Variants in CACNA2D3 observed in about 807,000 individuals in gnomAD.
CACNA2D3 encodes voltage-dependent calcium channel subunit alpha-2/delta-3.
In CACNA2D3, 60 loss-of-function variants were observed where a neutral mutation model predicts 160.6. That is an observed-to-expected ratio of 0.37 (90% CI 0.30 to 0.46). The LOEUF is 0.46. Ranked by LOEUF, CACNA2D3 falls within the 20% of genes least tolerant of loss-of-function variation. The pLI is 1.00. For missense variants in CACNA2D3, 1,205 were observed against 1,365.0 expected, an observed-to-expected ratio of 0.88 and a Z score of 1.85; for synonymous variants, 558 against 492.9, an observed-to-expected ratio of 1.13 and a Z score of -1.75.
At chr3:54,900,452 C>T (rs1700301200) in intron 27 of CACNA2D3, among the ~76,000 whole-genome samples, 1 of 152,174 alleles carries the variant, frequency 6.6e-6, no homozygotes, top group South Asian at 2.1e-4. Flanking sequence ...TTAGGAGTGT[C>T]AGCAGCTGTC....
chr3:54,901,490 G>A (rs1700331581), intron 27 of CACNA2D3, among the ~76,000 whole-genome samples: 2 of 152,130 alleles, frequency 1.3e-5, no homozygotes, highest in East Asian at 1.9e-4. Context: ...AGAGAAGAAC[G>A]TGCACTTTCC....
intron 5 of CACNA2D3, among the ~76,000 whole-genome samples, chr3:54,536,626 G>A (rs975951051): frequency 1.3e-5 from 2 of 152,198 alleles, no homozygotes; most frequent in African/African-American, 4.8e-5. Context: ...CTGTGAGCCA[G>A]CTCTGGGTAG....
intron 2 of CACNA2D3, 29 bp from the exon 3 acceptor site, chr3:54,320,413 G>A: frequency 8.6e-7 from 1 of 1,165,066 alleles, no homozygotes; most frequent in Non-Finnish European, 1.2e-6. Flanking sequence ...GGTGTCATGT[G>A]TCTTGAATGT....
intron 3 of CACNA2D3, among the ~76,000 whole-genome samples, chr3:54,329,066 A>AG (rs1704185536): frequency 6.6e-6 from 1 of 152,172 alleles, no homozygotes; most frequent in African/African-American, 2.4e-5. Context: ...TCGTTGTCTG[A>AG]GCACCCAGAC....
At chr3:54,327,859 T>G (rs928197182) in intron 3 of CACNA2D3, among the ~76,000 whole-genome samples, 1 of 152,192 alleles carries the variant, frequency 6.6e-6, no homozygotes, top group Non-Finnish European at 1.5e-5. Flanking sequence ...TCTAAAACAT[T>G]GGATTATTCT....
intron 5 of CACNA2D3, among the ~76,000 whole-genome samples, chr3:54,526,883 G>T (rs1213916449): frequency 6.6e-6 from 1 of 152,168 alleles, no homozygotes; most frequent in African/African-American, 2.4e-5. Context: ...TAGAGACAGG[G>T]TTTCACCATG....
intron 17 of CACNA2D3, among the ~76,000 whole-genome samples, chr3:54,867,944 G>A (rs1016834678): frequency 6.6e-6 from 1 of 151,802 alleles, no homozygotes; most frequent in Non-Finnish European, 1.5e-5. Flanking sequence ...CTAGAATTAT[G>A]CTTAATGGGA....
chr3:54,833,409 G>A (rs575144949), intron 14 of CACNA2D3, among the ~76,000 whole-genome samples: 1 of 152,234 alleles, frequency 6.6e-6, no homozygotes, highest in African/African-American at 2.4e-5. Context: ...GAAAATGAAT[G>A]TTGACTCTAC....
At chr3:54,541,185 G>A (rs1021092922) in intron 5 of CACNA2D3, among the ~76,000 whole-genome samples, 16 of 149,928 alleles carry the variant, frequency 1.1e-4, no homozygotes, top group Non-Finnish European at 2.4e-4. Flanking sequence ...GCTGAGGCAG[G>A]AGAATGGCGT....
chr3:54,526,940 C>T (rs912413132), intron 5 of CACNA2D3, among the ~76,000 whole-genome samples: 3 of 152,252 alleles, frequency 2.0e-5, no homozygotes, highest in Non-Finnish European at 4.4e-5. Context: ...ATCTGCCCAC[C>T]TCAGCCTCCC....
chr3:54,860,000 A>G (rs1311298758), intron 17 of CACNA2D3, among the ~76,000 whole-genome samples: 1 of 151,790 alleles, frequency 6.6e-6, no homozygotes, highest in Non-Finnish European at 1.5e-5. Context: ...ACACACACAC[A>G]CACACACACA....
chr3:54,593,338 G>A (rs1302695105), intron 9 of CACNA2D3, among the ~76,000 whole-genome samples: 3 of 151,872 alleles, frequency 2.0e-5, no homozygotes, highest in African/African-American at 7.3e-5. Flanking sequence ...GTAAATTTCA[G>A]AATAGTATGG....
chr3:54,705,847 A>C (rs1286229616), intron 11 of CACNA2D3, among the ~76,000 whole-genome samples: 1 of 152,074 alleles, frequency 6.6e-6, no homozygotes, highest in Non-Finnish European at 1.5e-5. Context: ...TCTTGTTCAT[A>C]CTAGAAAGCA....
intron 13 of CACNA2D3, 50 bp from the exon 14 acceptor site, chr3:54,816,803 A>C: frequency 6.2e-7 from 1 of 1,603,532 alleles, no homozygotes; most frequent in East Asian, 2.2e-5. Flanking sequence ...AATTACTTAT[A>C]TAATGATCAA....
chr3:54,163,622 C>T (rs577201907), intron 2 of CACNA2D3, among the ~76,000 whole-genome samples: 126 of 152,244 alleles, frequency 8.3e-4, no homozygotes, highest in African/African-American at 2.9e-3. Flanking sequence ...GGGTAGAAAT[C>T]AGTTAGGTGC....
At chr3:54,862,299 A>G (rs1040277656) in intron 17 of CACNA2D3, among the ~76,000 whole-genome samples, 23 of 152,130 alleles carry the variant, frequency 1.5e-4, no homozygotes, top group African/African-American at 4.3e-4. Flanking sequence ...TTCTTCCTTC[A>G]TAAGTATCTT....
At chr3:54,451,211 T>C (rs1700300410) in intron 4 of CACNA2D3, among the ~76,000 whole-genome samples, 1 of 149,182 alleles carries the variant, frequency 6.7e-6, no homozygotes, top group Non-Finnish European at 1.5e-5. Context: ...GTCTGTCCCT[T>C]TCTGCTGATA....
chr3:54,165,885 T>A (rs1307102839), intron 2 of CACNA2D3, among the ~76,000 whole-genome samples: 1 of 152,172 alleles, frequency 6.6e-6, no homozygotes, highest in African/African-American at 2.4e-5. Context: ...ATCATTAATA[T>A]ATGATACCAT....
intron 2 of CACNA2D3, 79 bp downstream of exon 2, chr3:54,123,673 G>C (rs1306125354): frequency 1.7e-6 from 2 of 1,171,360 alleles, no homozygotes; most frequent in Admixed American, 1.7e-5. Context: ...CCAAACAAAC[G>C]TGAGCCCCGA....
Sources: gnomAD v4.1 joint callset for allele counts (sites outside exome capture counted in the v4.1 genomes callset) on GRCh38, gnomAD v4.1.1 for gene constraint, MANE v1.5 for transcripts, NCBI Gene and HGNC (gene_info 2026-07-23, HGNC 2026-07-21) for gene names.